Variants in CELSR2 observed in about 807,000 individuals in gnomAD.
The protein encoded by CELSR2 is EGF-like protein 2.
In CELSR2, 81 loss-of-function variants were observed where a neutral mutation model predicts 251.6. The ratio of observed to expected loss-of-function variants is 0.32; its 90% CI spans 0.27 to 0.39. The LOEUF (loss-of-function observed/expected upper bound fraction) is 0.39. Among genes scored for constraint, CELSR2 ranks in the 10% least tolerant of loss-of-function variants. The pLI, the probability that CELSR2 is intolerant of heterozygous loss-of-function variation, is 1.00. For synonymous variants in CELSR2, 1,721 were observed against 1,670.5 expected (o/e 1.03, Z -0.74); for missense variants, 3,365 against 3,947.7 (o/e 0.85, Z 3.96).
chr1:109,272,061 C>T (rs539423938), intron 28 of CELSR2, among the ~76,000 whole-genome samples: 2 of 152,274 alleles, frequency 1.3e-5, no homozygotes, highest in South Asian at 4.1e-4. Context: ...ATAGTGAGTC[C>T]AGGATCCCTG....
Position 109,264,923 on chromosome 1 carries a change from G to C in CELSR2, c.5520G>C (p.Gln1840His), listed in dbSNP as rs764676603. The C allele has an allele frequency of 6.2e-7, 1 of 1,614,216 alleles. No homozygotes were observed. The highest frequency in any genetic ancestry group is 8.5e-7 in the Non-Finnish European group (1 of 1,180,034). Reference sequence around the variant, plus strand: ...GTGACCTGAACCCGTGTGAGCACCAGTCTGTGTGTACCCGCAAGCCCAGTG... The same window carrying C: ...GTGACCTGAACCCGTGTGAGCACCACTCTGTGTGTACCCGCAAGCCCAGTG... ...NVCDLNPCEH[Q>H]SVCTRKPSAP... is the part of the protein sequence containing the mutation. The change falls in exon 12 of 34, where the codon CAG (glutamine) becomes CAC (histidine). Residue 1840 changes from glutamine (Q) to histidine (H), a missense_variant. This residue lies in a region of CELSR2 where 2,093 missense variants were observed against 2,382.8 expected (regional missense o/e 0.88). Coordinates refer to ENST00000271332, the MANE Select transcript of CELSR2 (RefSeq NM_001408.3).
rs780674262 is a variant in CELSR2, at chr1:109,251,646, C to G, written c.1567C>G (p.Leu523Val). 2 of 1,613,902 alleles carry G rather than the reference C, an allele frequency of 1.2e-6. No individual in the cohort carries two copies. Among genetic ancestry groups the G allele is most frequent in the South Asian group, 1.1e-5 (1 of 91,068 alleles). ...CCTGGAGAGTGTCCCCTTAGGCTAC[C>G]TGGTTCTCCATGTCCAGGCTATCGA... The part of the protein sequence containing the change: ...TVLESVPLGY[L>V]VLHVQAIDAD... Residue 523 changes from leucine to valine, a missense_variant, in exon 1 of 34, where the codon CTG becomes GTG. Leu to Val is a conservative substitution (Grantham distance 32, BLOSUM62 1). This residue lies in a region of CELSR2 where 704 missense variants were observed against 784.1 expected (regional missense o/e 0.90). Transcript: ENST00000271332. This position sits in a 1 kb window ranked among gnomAD's most constrained non-coding sequence, Gnocchi z 4.9.
At chr1:109,270,398 G>A (rs3895559) in intron 23 of CELSR2, 28 bp from the exon 24 acceptor site, 729,559 of 1,610,730 alleles carry the variant, frequency 0.45, 166,666 homozygotes, top group Middle Eastern at 0.52. Context: ...GGCCCCGGTC[G>A]CTGACCTGCC....
chr1:109,269,724 A>T lies in CELSR2; in HGVS notation c.7011A>T (p.Arg2337Ser). The change falls in exon 22 of 34, where the codon AGA becomes AGT. Residue 2337 changes from arginine to serine, a missense_variant. Around this residue, in one of 5 missense-constraint regions of CELSR2, gnomAD observed 2,093 missense variants for 2,382.8 expected, o/e 0.88. Transcript: ENST00000271332. This position sits in a 1 kb window ranked among gnomAD's most constrained non-coding sequence, Gnocchi z 6.4. ...LVSGTGGWSA[R>S]GCEVVFRNES... Reference sequence around the variant, plus strand: ...GTGGCACAGGTGGCTGGTCGGCCAGAGGCTGTGAAGTCGTCTTCCGCAATG... The same window carrying T: ...GTGGCACAGGTGGCTGGTCGGCCAGTGGCTGTGAAGTCGTCTTCCGCAATG... The T allele has an allele frequency of 3.7e-6, 6 of 1,614,014 alleles. No homozygotes were observed. The highest frequency in any genetic ancestry group is 5.1e-6 in the Non-Finnish European group (6 of 1,180,030).
At position 109,250,113 on chromosome 1, in the gene CELSR2, A is replaced by ACGCCGCCGC. The variant is rs59201433; in HGVS notation, c.41_49dup (p.Pro14_Pro16dup). 22 of 1,514,714 alleles carry ACGCCGCCGC rather than the reference A, an allele frequency of 1.5e-5. No individual in the cohort carries two copies. The Admixed American group carries it at 2.5e-4, about 17-fold the overall frequency. 93.8% of individuals were successfully genotyped at this position (1,514,714 alleles called of 1,614,324 possible). On this transcript the variant is annotated inframe_insertion, in exon 1 of 34. Coordinates refer to ENST00000271332, the MANE Select transcript of CELSR2 (RefSeq NM_001408.3). This position sits in a 1 kb window ranked among gnomAD's most constrained non-coding sequence, Gnocchi z 4.4. The stretch of plus-strand genomic sequence containing the variant: ...CCCGGCCACCGGCGTCCCCCTCCCA[A>ACGCCGCCGC]CGCCGCCGCCGCCGCTGCTGCTGCT...
At chr1:109,266,083 G>A (rs1656178824) in intron 14 of CELSR2, 22 bp from the exon 15 acceptor site, 3 of 1,612,558 alleles carry the variant, frequency 1.9e-6, no homozygotes, top group South Asian at 2.2e-5. Context: ...GCTCCTGGGT[G>A]ACCATGTGCT....
intron 1 of CELSR2, among the ~76,000 whole-genome samples, chr1:109,254,446 T>C (rs1482969587): frequency 6.6e-6 from 1 of 152,138 alleles, no homozygotes; most frequent in Non-Finnish European, 1.5e-5. Context: ...ATTCTGTCTT[T>C]TTTTATCAGC....
In CELSR2 at chr1:109,268,003, C is replaced by T. The variant is rs377457246; in HGVS notation, c.6261C>T (p.His2087=). The change falls in exon 17 of 34, where the codon CAC becomes CAT. Residue 2087 remains histidine (H), a synonymous_variant. Coordinates refer to ENST00000271332, the MANE Select transcript of CELSR2 (RefSeq NM_001408.3). ...AGCTGGCCACGCGGCTGCTGGCCCA[C>T]GAGAGCACCCAGCGGGGCTTTGGGC... The part of the protein sequence containing the change: ...AYQLATRLLA[H]ESTQRGFGLS... The T allele has an allele frequency of 8.7e-6, 14 of 1,609,834 alleles. 1 individual carries two copies. The South Asian group carries it at 8.8e-5, about 10-fold the overall frequency.
Position 109,250,891 on chromosome 1 carries a change from C to T in CELSR2, c.812C>T (p.Ala271Val). Residue 271 changes from alanine to valine, a missense_variant, in exon 1 of 34, where the codon GCC becomes GTC. Coordinates refer to ENST00000271332, the MANE Select transcript of CELSR2 (RefSeq NM_001408.3). The surrounding 1 kb of genome is among the most constrained non-coding windows in gnomAD (Gnocchi z 4.4). ...GACCACGGCATGCCCCGACGAAGTG[C>T]CCTGGCTACACTCACCATCTTGGTT... Reference protein sequence around the residue: ...AQDHGMPRRSALATLTILVTD... With the variant: ...AQDHGMPRRSVLATLTILVTD... 6 of 1,614,014 alleles carry T rather than the reference C, an allele frequency of 3.7e-6. No homozygotes were observed. The highest frequency in any genetic ancestry group is 5.1e-6 in the Non-Finnish European group (6 of 1,180,040).
In CELSR2 at chr1:109,254,949, G is replaced by A. The variant is rs539584081; in HGVS notation, c.3310+1560G>A. Among the ~76,000 whole-genome samples the A allele has an allele frequency of 1.0e-3, 156 of 152,340 alleles. 1 individual carries two copies. Among genetic ancestry groups the A allele is most frequent in the Middle Eastern group, 3.4e-3 (1 of 294 alleles). On this transcript the variant is annotated intron_variant, in intron 1 of 33. Coordinates refer to ENST00000271332, the MANE Select transcript of CELSR2 (RefSeq NM_001408.3). ...GTGGGAAGGAGGGCCTCTCCCTCTG[G>A]TCCTCCACACCCAGCCTGCCTTTGG... is the stretch of plus-strand genomic sequence containing the variant.
rs778574595 is a variant in CELSR2, at chr1:109,258,540, G to A, written c.3419G>A (p.Arg1140His). 2 of 1,605,018 alleles carry A rather than the reference G, an allele frequency of 1.2e-6. No homozygotes were observed. The highest frequency in any genetic ancestry group is 2.2e-5 in the East Asian group (1 of 44,492). The stretch of plus-strand genomic sequence containing the variant: ...CGCCTGGAGGACATGTCACCCGAGC[G>A]CTTCCTGTCACCACTGCTAGGCCTC... ...TLRLEDMSPE[R>H]FLSPLLGLFI... Residue 1140 changes from arginine to histidine, a missense_variant, in exon 2 of 34, where the codon CGC (arginine) becomes CAC (histidine). Coordinates refer to ENST00000271332, the MANE Select transcript of CELSR2 (RefSeq NM_001408.3).
rs1201732302 is a variant in CELSR2, at chr1:109,273,316, C to T, written c.8489C>T (p.Ser2830Phe). 1.3e-6 allele frequency: 2 copies of T among 1,598,338 alleles called. No homozygotes were observed. Among genetic ancestry groups the T allele is most frequent in the Non-Finnish European group, 1.7e-6 (2 of 1,171,992 alleles). The change falls in exon 32 of 34, where the codon TCT becomes TTT. Residue 2830 changes from serine (S) to phenylalanine (F), a missense_variant. Ser to Phe is a radical substitution (Grantham distance 155). This residue lies in a region of CELSR2 where 2,093 missense variants were observed against 2,382.8 expected (regional missense o/e 0.88). Coordinates refer to ENST00000271332, the MANE Select transcript of CELSR2 (RefSeq NM_001408.3). ...REGSLGPLPG[S>F]SAQPHKGILK... is the part of the protein sequence containing the mutation. ...GGGTCCCTAGGCCCCCTTCCAGGCT[C>T]TTCTGCCCAGCCTCACAAAGGTGAG...
intron 1 of CELSR2, among the ~76,000 whole-genome samples, chr1:109,256,722 A>C (rs1179604215): frequency 5.3e-5 from 8 of 151,952 alleles, no homozygotes; most frequent in Non-Finnish European, 1.0e-4. Context: ...GCTCACTGCA[A>C]CCTCTGCCTC....
Position 109,249,919 on chromosome 1 carries a change from GGGGTCCCGCC to G in CELSR2, c.-159_-150del. 1.8e-6 allele frequency: 1 copy of G among 551,076 alleles called. No individual in the cohort carries two copies. Among genetic ancestry groups the G allele is most frequent in the Non-Finnish European group, 2.5e-6 (1 of 396,194 alleles). The allele number at this position is 551,076 out of a possible 1,614,324, so 34.1% of individuals were successfully genotyped here. On this transcript the variant is annotated 5_prime_UTR_variant, in exon 1 of 34. Transcript: ENST00000271332. ...CCGGGCTCGTCGGAGGGTGCAGCGCGGGGTCCCGCCGAGCCATCCAGACGCAGGCCCCGCG... is the reference window on the plus strand; with the variant it reads ...CCGGGCTCGTCGGAGGGTGCAGCGCGGAGCCATCCAGACGCAGGCCCCGCG...
intron 15 of CELSR2, 24 bp from the exon 16 acceptor site, chr1:109,267,524 G>GTTCCT (rs1656234282): frequency 1.2e-6 from 2 of 1,608,966 alleles, no homozygotes; most frequent in Admixed American, 3.4e-5. Flanking sequence ...CCTGAGGCCG[G>GTTCCT]CCCTTTTGGC....
chr1:109,261,749 C>T lies in CELSR2; in HGVS notation c.4298-59C>T, dbSNP rs1174235178. 22 of 1,555,560 alleles carry T rather than the reference C, an allele frequency of 1.4e-5. No individual in the cohort carries two copies. Among genetic ancestry groups the T allele is most frequent in the Non-Finnish European group, 1.6e-5 (18 of 1,139,632 alleles). ...GGCCCAGCCCCAGCCACTGGCACCC[C>T]AAACCCTGCCATTCCTAGCCCTCGT... On this transcript the variant is annotated intron_variant, in intron 4 of 33. Transcript: ENST00000271332. This position sits in a 1 kb window ranked among gnomAD's most constrained non-coding sequence, Gnocchi z 4.8.
chr1:109,257,227 C>T (rs1174222855), intron 1 of CELSR2, among the ~76,000 whole-genome samples: 1 of 151,992 alleles, frequency 6.6e-6, no homozygotes, highest in African/African-American at 2.4e-5. Flanking sequence ...GTTGTGAGCA[C>T]CTGTGGTCTC....
Position 109,249,654 on chromosome 1 carries a change from T to TCGGGGGCCGC in CELSR2, c.-420_-411dup, listed in dbSNP as rs991168534. 4.1e-5 allele frequency among the ~76,000 whole-genome samples: 6 copies of TCGGGGGCCGC among 145,784 alleles called. No homozygotes were observed. The highest frequency in any genetic ancestry group is 1.5e-4 in the African/African-American group (6 of 40,508). On this transcript the variant is annotated 5_prime_UTR_variant, in exon 1 of 34. Coordinates refer to ENST00000271332, the MANE Select transcript of CELSR2 (RefSeq NM_001408.3). ...GGCGCGAGCGGGCGGCGCGGGACCGTCGGGGGCCGCCGGGGCCGGGCCGGG... is the reference window on the plus strand; with the variant it reads ...GGCGCGAGCGGGCGGCGCGGGACCGTCGGGGGCCGCCGGGGGCCGCCGGGGCCGGGCCGGG...
chr1:109,253,985 G>A (rs1440951733), intron 1 of CELSR2, among the ~76,000 whole-genome samples: 1 of 152,258 alleles, frequency 6.6e-6, no homozygotes, highest in African/African-American at 2.4e-5. Context: ...CAGGCAGAAA[G>A]AGCCTGGCCT....
Sources: allele counts gnomAD v4.1 joint callset (sites outside exome capture counted in the v4.1 genomes callset), GRCh38; gene constraint gnomAD v4.1.1; regional missense constraint gnomAD v4.1.1; non-coding constraint Gnocchi (gnomAD v3.1); transcripts MANE v1.5; gene names NCBI Gene and HGNC (gene_info 2026-07-23, HGNC 2026-07-21).